PACC1: variants seen among roughly 807,000 people sequenced by gnomAD.
The protein encoded by PACC1 is proton activated chloride channel 1.
PACC1 carries 34 observed loss-of-function variants against 39.7 expected under a neutral mutation model. The ratio of observed to expected loss-of-function variants is 0.86; its 90% CI spans 0.65 to 1.14. The LOEUF (loss-of-function observed/expected upper bound fraction) is 1.14. PACC1 is among the 50% of genes most tolerant of loss of function. The pLI is 0.00. For missense variants in PACC1, 379 were observed against 436.4 expected, an observed-to-expected ratio of 0.87 and a Z score of 1.17; for synonymous variants, 127 against 160.6, an observed-to-expected ratio of 0.79 and a Z score of 1.58.
intron 2 of PACC1, 79 bp from the exon 3 acceptor site, chr1:212,387,179 T>G: frequency 6.9e-7 from 1 of 1,454,582 alleles, no homozygotes; most frequent in Non-Finnish European, 9.4e-7. Context: ...CTCCAGGCCC[T>G]TGCCTGCCTC....
At chr1:212,366,582 A>G (rs941899626) in intron 7 of PACC1, among the ~76,000 whole-genome samples, 2 of 152,068 alleles carry the variant, frequency 1.3e-5, no homozygotes, top group Non-Finnish European at 2.9e-5. Flanking sequence ...TCTAAGCTCA[A>G]TTTAGCAGGG....
intron 2 of PACC1, among the ~76,000 whole-genome samples, chr1:212,393,302 A>G (rs1571662807): frequency 6.6e-6 from 1 of 152,214 alleles, no homozygotes. Context: ...CCCCTCAACT[A>G]CATGGAAACT....
intron 7 of PACC1, 144 bp downstream of exon 7, chr1:212,375,049 G>C: frequency 1.8e-6 from 1 of 547,240 alleles, no homozygotes; most frequent in Admixed American, 3.0e-5. Context: ...AAAAAGATGA[G>C]GACAGGTAGG....
At chr1:212,408,371 T>A (rs1378668760) in intron 2 of PACC1, among the ~76,000 whole-genome samples, 5 of 151,962 alleles carry the variant, frequency 3.3e-5, no homozygotes, top group South Asian at 2.1e-4. Flanking sequence ...ATTTTATTTT[T>A]TTTTTTGAGG....
At position 212,364,432 on chromosome 1, in the gene PACC1, T is replaced by C. The variant is rs1046784302; in HGVS notation, c.*783A>G. 2.6e-5 allele frequency: 4 copies of C among 152,328 alleles called. No individual in the cohort carries two copies. Among genetic ancestry groups the C allele is most frequent in the Admixed American group, 1.3e-4 (2 of 15,280 alleles). The allele number at this position is 152,328 out of a possible 1,614,324, so 9.4% of individuals were successfully genotyped here. On this transcript the variant is annotated 3_prime_UTR_variant, in exon 8 of 8. Coordinates refer to ENST00000261455, the MANE Select transcript of PACC1 (RefSeq NM_018252.3). ...CTTGGAAGTCACCAAATGAAAGTAA[T>C]TGTGCCCGATGATTGAGCAGATATT... is the stretch of plus-strand genomic sequence containing the variant.
chr1:212,373,796 A>C (rs1660547287), intron 7 of PACC1, among the ~76,000 whole-genome samples: 1 of 152,126 alleles, frequency 6.6e-6, no homozygotes, highest in African/African-American at 2.4e-5. Flanking sequence ...ACCAAATCCA[A>C]AATAAGGTTA....
chr1:212,413,935 T>G, intron 1 of PACC1: 1 of 1,534,912 alleles, frequency 6.5e-7, no homozygotes, highest in Non-Finnish European at 8.7e-7. Flanking sequence ...GGCGGCACGA[T>G]GGAGGGGCAC....
rs1661056943 is a variant in PACC1 at position 212,385,286 on chromosome 1, G to A, written c.483C>T (p.Ser161=). The change falls in exon 4 of 8, where the codon TCC becomes TCT. Residue 161 remains serine (S), a synonymous_variant. Coordinates refer to ENST00000261455, the MANE Select transcript of PACC1 (RefSeq NM_018252.3). ...AGACAGGAATTACCACAGTCTGATT[G>A]GAGAAGGGGTCCGTGTAGTTGATCC... is the stretch of plus-strand genomic sequence containing the variant. ...TQRINYTDPF[S]NQTVKSALIV... is the part of the protein sequence containing the mutation. 1 of 1,613,946 alleles carries A rather than the reference G, an allele frequency of 6.2e-7. No homozygotes were observed. Among genetic ancestry groups the A allele is most frequent in the African/African-American group, 1.3e-5 (1 of 74,922 alleles).
intron 2 of PACC1, among the ~76,000 whole-genome samples, chr1:212,401,142 A>G (rs1443220208): frequency 1.3e-5 from 2 of 152,162 alleles, no homozygotes; most frequent in African/African-American, 2.4e-5. Context: ...TATATTCACA[A>G]GATGTATAAC....
chr1:212,394,547 A>T (rs1330763620), intron 2 of PACC1, among the ~76,000 whole-genome samples: 1 of 152,152 alleles, frequency 6.6e-6, no homozygotes, highest in African/African-American at 2.4e-5. Flanking sequence ...GCCCTCTCTC[A>T]CCACTCCTAT....
intron 2 of PACC1, among the ~76,000 whole-genome samples, chr1:212,405,272 C>G (rs1439991958): frequency 6.6e-6 from 1 of 152,150 alleles, no homozygotes; most frequent in African/African-American, 2.4e-5. Context: ...GTCATACTTC[C>G]ATACTACACT....
intron 2 of PACC1, among the ~76,000 whole-genome samples, chr1:212,403,412 CT>C (rs1365508051): frequency 1.3e-5 from 2 of 152,190 alleles, no homozygotes; most frequent in African/African-American, 2.4e-5. Context: ...CATGGCCCCC[CT>C]GCTCATTTTC....
At chr1:212,367,311 A>G (rs997887438) in intron 7 of PACC1, among the ~76,000 whole-genome samples, 1 of 152,002 alleles carries the variant, frequency 6.6e-6, no homozygotes, top group Non-Finnish European at 1.5e-5. Context: ...CTGCCTACAC[A>G]CCCCTCCCCC....
intron 2 of PACC1, among the ~76,000 whole-genome samples, chr1:212,397,123 T>C (rs534102709): frequency 6.6e-6 from 1 of 152,110 alleles, no homozygotes; most frequent in African/African-American, 2.4e-5. Context: ...ATGGTAACTC[T>C]CAGATGTAAA....
intron 4 of PACC1, among the ~76,000 whole-genome samples, chr1:212,385,060 C>T (rs1484008406): frequency 6.6e-6 from 1 of 152,230 alleles, no homozygotes; most frequent in Non-Finnish European, 1.5e-5. Flanking sequence ...GAGCATTACT[C>T]AGCAAAGGCT....
At chr1:212,369,637 C>T (rs1660371660) in intron 7 of PACC1, among the ~76,000 whole-genome samples, 1 of 151,910 alleles carries the variant, frequency 6.6e-6, no homozygotes, top group South Asian at 2.1e-4. Context: ...AAAAATGAGC[C>T]AGGTGTGGTG....
chr1:212,385,245 C>T, intron 4 of PACC1, 29 bp downstream of exon 4: 1 of 1,613,126 alleles, frequency 6.2e-7, no homozygotes, highest in Non-Finnish European at 8.5e-7. Flanking sequence ...AGCAGCTGCC[C>T]AGACCCAGCT....
At position 212,406,606 on chromosome 1, in the gene PACC1, A is replaced by G. The variant is rs74138139; in HGVS notation, c.133+3819T>C. ...AGCCAACTCACTACTGACCCAGCCAAATGGACTCCTGAGATCTGAATCTTC... is the reference window on the plus strand; with the variant it reads ...AGCCAACTCACTACTGACCCAGCCAGATGGACTCCTGAGATCTGAATCTTC... On this transcript the variant is annotated intron_variant, in intron 2 of 7. Transcript: ENST00000261455. Among the ~76,000 whole-genome samples the G allele has an allele frequency of 7.8e-3, 1,188 of 152,286 alleles. 17 individuals are homozygous for G. Among genetic ancestry groups the G allele is most frequent in the African/African-American group, 0.027 (1,119 of 41,560 alleles).
At chr1:212,410,280 T>A (rs940778808) in intron 2 of PACC1, 145 bp downstream of exon 2, 33 of 747,308 alleles carry the variant, frequency 4.4e-5, no homozygotes, top group Non-Finnish European at 7.2e-6. Context: ...TGGTTAAATA[T>A]GTATGGCTTT....
Sources: allele counts gnomAD v4.1 joint callset (sites outside exome capture counted in the v4.1 genomes callset), GRCh38; gene constraint gnomAD v4.1.1; transcripts MANE v1.5; gene names NCBI Gene and HGNC (gene_info 2026-07-23, HGNC 2026-07-21).